Variants in NCKAP5 observed in about 807,000 individuals in gnomAD.
NCKAP5 encodes the protein nck-associated protein 5.
NCKAP5 carries 92 observed loss-of-function variants against 167.0 expected under a neutral mutation model. That is an observed-to-expected ratio of 0.55 (90% CI 0.47 to 0.66). The LOEUF (loss-of-function observed/expected upper bound fraction) is 0.66, where lower values mean the gene tolerates loss of function less well. NCKAP5 is among the 30% of genes least tolerant of loss of function. NCKAP5 has a pLI of 0.00. For missense variants in NCKAP5, 2,378 were observed against 2,315.0 expected (o/e 1.03, Z -0.56); for synonymous variants, 891 against 877.4 (o/e 1.02, Z -0.27).
At chr2:132,794,308 G>GAGA (rs1558788607) in intron 12 of NCKAP5, among the ~76,000 whole-genome samples, 19 of 50,054 alleles carry the variant, frequency 3.8e-4, no homozygotes, top group African/African-American at 7.8e-4. Flanking sequence ...AGAGAGAGAG[G>GAGA]GTGGCGGGAA....
At chr2:132,900,391 C>T (rs1041931565) in intron 8 of NCKAP5, among the ~76,000 whole-genome samples, 1 of 152,100 alleles carries the variant, frequency 6.6e-6, no homozygotes, top group East Asian at 1.9e-4. Flanking sequence ...ATCCCCTTCA[C>T]CTAGTTTTGA....
Position 133,544,098 on chromosome 2 carries a change from T to A in NCKAP5, c.-62+14952A>T, listed in dbSNP as rs151209722. On this transcript the variant is annotated intron_variant, in intron 2 of 19. Coordinates refer to ENST00000409261, the MANE Select transcript of NCKAP5 (RefSeq NM_207363.3). ...TGATTTGTATCTTAACAGCGTTGAT[T>A]TGTATCTTGAATTAAAATTGCCATG... 5.9e-5 allele frequency among the ~76,000 whole-genome samples: 9 copies of A among 152,356 alleles called. No homozygotes were observed. In the East Asian group the frequency reaches 1.7e-3, roughly 29 times the overall value.
Position 133,340,312 on chromosome 2 carries a change from C to T in NCKAP5, c.70-37202G>A, listed in dbSNP as rs554465049. ...ATTTTAGTAATGAAAAGCAGCTCTTCGTCTCCTCATCTTCAAGAATGTGCA... is the reference window on the plus strand; with the variant it reads ...ATTTTAGTAATGAAAAGCAGCTCTTTGTCTCCTCATCTTCAAGAATGTGCA... On this transcript the variant is annotated intron_variant, in intron 3 of 19. Coordinates refer to ENST00000409261, the MANE Select transcript of NCKAP5 (RefSeq NM_207363.3). Among the ~76,000 whole-genome samples, 11 of 152,252 alleles carry T rather than the reference C, an allele frequency of 7.2e-5. No individual in the cohort carries two copies. The South Asian group carries it at 1.2e-3, about 17-fold the overall frequency.
intron 3 of NCKAP5, among the ~76,000 whole-genome samples, chr2:133,512,665 G>A (rs1425568440): frequency 6.6e-6 from 1 of 152,138 alleles, no homozygotes; most frequent in Non-Finnish European, 1.5e-5. Flanking sequence ...GGAAATAACT[G>A]AAGATAAACA....
At chr2:132,833,812 T>C (rs544692205) in intron 11 of NCKAP5, among the ~76,000 whole-genome samples, 1 of 152,336 alleles carries the variant, frequency 6.6e-6, no homozygotes, top group South Asian at 2.1e-4. Context: ...AGCTTTGTTC[T>C]TTTTGCTTAG....
At chr2:133,430,776 G>A (rs990721300) in intron 3 of NCKAP5, among the ~76,000 whole-genome samples, 5 of 147,722 alleles carry the variant, frequency 3.4e-5, no homozygotes, top group African/African-American at 1.2e-4. Context: ...CATGGTTGTT[G>A]ATACATGAAT....
chr2:133,154,885 C>T (rs758050397), intron 5 of NCKAP5, among the ~76,000 whole-genome samples: 6 of 152,258 alleles, frequency 3.9e-5, no homozygotes, highest in South Asian at 4.1e-4. Context: ...AAATATAATG[C>T]GATCTTAGAA....
chr2:132,790,321 A>C, intron 12 of NCKAP5, 116 bp from the exon 13 acceptor site: 4 of 893,598 alleles, frequency 4.5e-6, no homozygotes, highest in Non-Finnish European at 6.7e-6. Context: ...TGGCAGGAGT[A>C]CATCCTGATA....
At chr2:132,971,584 A>G (rs1416473638) in intron 7 of NCKAP5, among the ~76,000 whole-genome samples, 4 of 152,208 alleles carry the variant, frequency 2.6e-5, no homozygotes, top group African/African-American at 9.6e-5. Context: ...CAGATGTCAG[A>G]AAAACAAGAT....
chr2:132,713,826 A>G (rs1689099369), intron 19 of NCKAP5, among the ~76,000 whole-genome samples: 1 of 152,296 alleles, frequency 6.6e-6, no homozygotes, highest in East Asian at 1.9e-4. Context: ...GACTGGGGAA[A>G]GCTGGAAACC....
At chr2:133,639,672 C>T in the NCKAP5 span, among the ~76,000 whole-genome samples, 1 of 151,998 alleles carries the variant, frequency 6.6e-6, no homozygotes, top group Non-Finnish European at 1.5e-5. Flanking sequence ...CTGATGAAAC[C>T]CTTTTGTAGG....
intron 3 of NCKAP5, among the ~76,000 whole-genome samples, chr2:133,384,403 T>A (rs1302564247): frequency 6.6e-6 from 1 of 152,218 alleles, no homozygotes; most frequent in African/African-American, 2.4e-5. Context: ...TCTGTTCTGT[T>A]CCATTGGTCT....
intron 19 of NCKAP5, among the ~76,000 whole-genome samples, chr2:132,720,733 G>C (rs200446460): frequency 1.3e-5 from 2 of 152,206 alleles, no homozygotes; most frequent in Non-Finnish European, 2.9e-5. Context: ...GAACCGGCCC[G>C]GCACAGTGGC....
chr2:133,613,240 C>T, the NCKAP5 span, among the ~76,000 whole-genome samples: 4 of 152,184 alleles, frequency 2.6e-5, no homozygotes, highest in East Asian at 7.7e-4. Flanking sequence ...TGGCTGAAAG[C>T]TCACAATATG....
At chr2:133,071,979 T>A (rs1295135848) in intron 6 of NCKAP5, among the ~76,000 whole-genome samples, 1 of 152,242 alleles carries the variant, frequency 6.6e-6, no homozygotes, top group African/African-American at 2.4e-5. Context: ...GTACTCATTA[T>A]GAATTAGCTG....
intron 19 of NCKAP5, among the ~76,000 whole-genome samples, chr2:132,720,626 A>C (rs1689820520): frequency 6.6e-6 from 1 of 152,108 alleles, no homozygotes; most frequent in African/African-American, 2.4e-5. Context: ...GTGGGAGGGC[A>C]CAGGAGACAG....
At chr2:132,776,596 A>C (rs1274625045) in intron 15 of NCKAP5, among the ~76,000 whole-genome samples, 2 of 152,198 alleles carry the variant, frequency 1.3e-5, no homozygotes, top group Non-Finnish European at 1.5e-5. Context: ...ATGGATGAAG[A>C]AGCAGCAAGA....
At chr2:133,594,702 G>T in the NCKAP5 span, among the ~76,000 whole-genome samples, 1 of 152,228 alleles carries the variant, frequency 6.6e-6, no homozygotes, top group Admixed American at 6.5e-5. Context: ...GCAGGGTTTT[G>T]TCAAGAGAGA....
chr2:132,920,798 T>C lies in NCKAP5; in HGVS notation c.580-41882A>G, dbSNP rs1189307952. Among the ~76,000 whole-genome samples the C allele has an allele frequency of 4.0e-3, 403 of 99,530 alleles. 32 individuals carry two copies. The highest frequency in any genetic ancestry group is 0.016 in the African/African-American group (356 of 22,426). The allele number at this position is 99,530 out of a possible 152,430, so 65.3% of individuals were successfully genotyped here. A position where few individuals can be genotyped will look rare whatever the true frequency, so the allele number is the denominator to read the frequency against. The stretch of plus-strand genomic sequence containing the variant: ...ATATATATATATATATATATATATA[T>C]ATATATATATATATATATATGGAAG... On this transcript the variant is annotated intron_variant, in intron 8 of 19. Transcript: ENST00000409261.
Sources: gnomAD v4.1 joint callset for allele counts (sites outside exome capture counted in the v4.1 genomes callset) on GRCh38, gnomAD v4.1.1 for gene constraint, MANE v1.5 for transcripts, NCBI Gene and HGNC (gene_info 2026-07-23, HGNC 2026-07-21) for gene names.